The following GNAT2 variants were observed in gnomAD, a reference collection of about 807,000 sequenced individuals.
GNAT2 encodes the protein G protein subunit alpha transducin 2.
GNAT2 carries 32 observed loss-of-function variants against 40.9 expected under a neutral mutation model. That is an observed-to-expected ratio of 0.78 (90% confidence interval 0.59 to 1.05). The LOEUF (loss-of-function observed/expected upper bound fraction) is 1.05. Ranked by LOEUF, GNAT2 falls within the 50% of genes least tolerant of loss-of-function variation. The probability of loss-of-function intolerance (pLI) is 0.00; values close to 1 mark genes in which losing one functional copy is unlikely to be tolerated. For synonymous variants in GNAT2, 141 were observed against 157.2 expected (o/e 0.90, Z 0.77); for missense variants, 355 against 431.5 (o/e 0.82, Z 1.57).
chr1:109,606,392 G>A lies in GNAT2; in HGVS notation c.506C>T (p.Pro169Leu), dbSNP rs1254877756. 6.2e-7 allele frequency: 1 copy of A among 1,610,926 alleles called. No homozygotes were observed. Among genetic ancestry groups the A allele is most frequent in the Admixed American group, 1.7e-5 (1 of 60,014 alleles). The change falls in exon 6 of 9, where the codon CCT becomes CTT. Residue 169 changes from proline (P) to leucine (L), a missense_variant. By Grantham distance (98) the Pro-to-Leu change is moderately conservative. Transcript: ENST00000679935. ...GGATCGGAGCACATCTTGCTCACTA[G>A]GGAGGTACTCAGGGTCTGTAATTCG... ...LERITDPEYL[P>L]SEQDVLRSRV...
At chr1:109,610,332 A>T in intron 3 of GNAT2, 133 bp downstream of exon 3, 3 of 1,181,238 alleles carry the variant, frequency 2.5e-6, no homozygotes, top group Non-Finnish European at 3.8e-6. Context: ...AGGGGTACAG[A>T]TGAGGGGCAT....
In GNAT2 at chr1:109,608,779, G is replaced by A. The variant is rs1403825722; in HGVS notation, c.313C>T (p.Arg105Ter). 4.3e-6 allele frequency: 7 copies of A among 1,613,684 alleles called. No individual in the cohort carries two copies. The highest frequency in any genetic ancestry group is 1.6e-4 in the Middle Eastern group (1 of 6,062). Reference sequence around the variant, plus strand: ...GAGTCAGCCAGGTTGTTGAGCTGTCGCCCGTCATCCTGTAATGCAGAAACC... The same window carrying A: ...GAGTCAGCCAGGTTGTTGAGCTGTCACCCGTCATCCTGTAATGCAGAAACC... ...YAEPSCADDG[R>*]QLNNLADSIE... Residue 105 changes from arginine (R) to a stop codon, truncating the protein, a stop_gained, in exon 5 of 9, where the codon CGA becomes TGA. Transcript: ENST00000679935. LOFTEE classifies it high-confidence loss of function.
At chr1:109,612,568 G>A in intron 2 of GNAT2, 185 bp downstream of exon 2, 1 of 651,866 alleles carries the variant, frequency 1.5e-6, no homozygotes, top group Non-Finnish European at 2.8e-6. Context: ...ATCCCCTTGG[G>A]GTGGCTGTTT....
Position 109,603,962 on chromosome 1 carries a change from G to C in GNAT2, c.863C>G (p.Pro288Arg). Residue 288 changes from proline (P) to arginine (R), a missense_variant, in exon 8 of 9, where the codon CCA becomes CGA. Transcript: ENST00000679935. ...IKKVHLSICF[P>R]EYDGNNSYDD... Reference sequence around the variant, plus strand: ...CCCCTGACACTTACCATCATACTCTGGAAAACAAATGCTGAGATGGACTTT... The same window carrying C: ...CCCCTGACACTTACCATCATACTCTCGAAAACAAATGCTGAGATGGACTTT... 1 of 1,606,904 alleles carries C rather than the reference G, an allele frequency of 6.2e-7. No individual in the cohort carries two copies. Among genetic ancestry groups the C allele is most frequent in the Non-Finnish European group, 8.5e-7 (1 of 1,173,894 alleles).
In GNAT2 at chr1:109,612,771, C is replaced by CA. The variant is rs1649836127; in HGVS notation, c.99dup (p.Val34CysfsTer64). 1 of 1,600,898 alleles carries CA rather than the reference C, an allele frequency of 6.2e-7. No homozygotes were observed. The highest frequency in any genetic ancestry group is 1.3e-5 in the African/African-American group (1 of 74,658). ...CACTCACCCAGCAGTAGCAGCTTGA[C>CA]AGTCTTGGCTTCCTTATCAGCATCC... On this transcript the variant is annotated frameshift_variant, in exon 2 of 9. Transcript: ENST00000679935. LOFTEE classifies it high-confidence loss of function.
Position 109,604,019 on chromosome 1 carries a change from T to A in GNAT2, c.806A>T (p.Asn269Ile), listed in dbSNP as rs1193859398. 2 of 1,610,070 alleles carry A rather than the reference T, an allele frequency of 1.2e-6. No individual in the cohort carries two copies. Among genetic ancestry groups the A allele is most frequent in the African/African-American group, 2.7e-5 (2 of 74,854 alleles). The change falls in exon 8 of 9, where the codon AAC (asparagine) becomes ATC (isoleucine). Residue 269 changes from asparagine (N) to isoleucine (I), a missense_variant. Physicochemically the swap from Asn to Ile is moderately radical, Grantham distance 149. Coordinates refer to ENST00000679935, the MANE Select transcript of GNAT2 (RefSeq NM_001377295.2). ...FAATSIVLFL[N>I]KKDLFEEKIK... The stretch of plus-strand genomic sequence containing the variant: ...TTTTTCCTCAAAGAGGTCCTTCTTG[T>A]TGAGAAAGAGGACAATGGAAGTAGC...
intron 6 of GNAT2, 24 bp downstream of exon 6, chr1:109,606,284 T>C (rs1649591298): frequency 1.2e-6 from 2 of 1,612,758 alleles, no homozygotes; most frequent in African/African-American, 1.3e-5. Flanking sequence ...GTATCCGAGA[T>C]GCCCTAGGGA....
rs1649483395 is a variant in GNAT2, at chr1:109,603,134, G to A, written c.*220C>T. On this transcript the variant is annotated 3_prime_UTR_variant, in exon 9 of 9. Transcript: ENST00000679935. ...GTATTAAGTTGGAAAACCAGTACTGGAACCTGGGGGGTCTTCTAACTACTG... is the reference window on the plus strand; with the variant it reads ...GTATTAAGTTGGAAAACCAGTACTGAAACCTGGGGGGTCTTCTAACTACTG... 2 of 538,340 alleles carry A rather than the reference G, an allele frequency of 3.7e-6. No homozygotes were observed. Among genetic ancestry groups the A allele is most frequent in the Non-Finnish European group, 6.6e-6 (2 of 303,060 alleles). The allele number at this position is 538,340 out of a possible 1,614,324, so 33.3% of individuals were successfully genotyped here.
rs535363597 is a variant in GNAT2, at chr1:109,615,353, C to T, written c.-53-2430G>A. On this transcript the variant is annotated intron_variant, in intron 1 of 8. Coordinates refer to ENST00000679935, the MANE Select transcript of GNAT2 (RefSeq NM_001377295.2). ...TCCACTAAAAATACAAAAATTAGGCCGGGCATGGTGGCTCACGCCTGTAAT... is the reference window on the plus strand; with the variant it reads ...TCCACTAAAAATACAAAAATTAGGCTGGGCATGGTGGCTCACGCCTGTAAT... The T allele has an allele frequency of 4.6e-4, 70 of 152,078 alleles. 1 individual carries two copies. In the South Asian group the frequency reaches 0.013, roughly 28 times the overall value. 9.4% of individuals were successfully genotyped at this position (152,078 alleles called of 1,614,324 possible). A position where few individuals can be genotyped will look rare whatever the true frequency, so the allele number is the denominator to read the frequency against.
intron 1 of GNAT2, chr1:109,614,272 C>T (rs144185867): frequency 6.6e-5 from 10 of 152,292 alleles, no homozygotes; most frequent in African/African-American, 2.2e-4. Context: ...ACCTGTTTTC[C>T]GCTAAACTTA....
Position 109,606,432 on chromosome 1 carries a change from G to C in GNAT2, c.466C>G (p.Leu156Val). ...TCTGTAATTCGTTCTAATTGGTTCA[G>C]GTAGCTAGAGAAAAGTGATTAGCAT... ...YQLNDSASYY[L>V]NQLERITDPE... Residue 156 changes from leucine (L) to valine (V), a missense_variant, in exon 6 of 9, where the codon CTG becomes GTG. Physicochemically the swap from Leu to Val is conservative, Grantham distance 32. Transcript: ENST00000679935. 1 of 1,613,138 alleles carries C rather than the reference G, an allele frequency of 6.2e-7. No homozygotes were observed. Among genetic ancestry groups the C allele is most frequent in the Non-Finnish European group, 8.5e-7 (1 of 1,179,086 alleles).
intron 1 of GNAT2, chr1:109,613,207 T>G: frequency 2.8e-6 from 1 of 358,418 alleles, no homozygotes; most frequent in Non-Finnish European, 5.4e-6. Flanking sequence ...AATGATCTGC[T>G]GGGTTCTGAC....
At chr1:109,608,343 C>T in intron 5 of GNAT2, 1 of 468,586 alleles carries the variant, frequency 2.1e-6, no homozygotes, top group Non-Finnish European at 3.9e-6. Flanking sequence ...GGGCTGAGGG[C>T]TACTAGGCAG....
chr1:109,608,412 G>C (rs1649681367), intron 5 of GNAT2: 1 of 614,352 alleles, frequency 1.6e-6, no homozygotes, highest in South Asian at 1.8e-5. Context: ...CCAGTGTAAA[G>C]CAATAGAAAG....
At position 109,608,365 on chromosome 1, in the gene GNAT2, T is replaced by C. The variant is rs1422566822; in HGVS notation, c.461+266A>G. The C allele has an allele frequency of 4.4e-5, 23 of 523,600 alleles. No homozygotes were observed. The South Asian group carries it at 4.6e-4, about 10-fold the overall frequency. The allele number at this position is 523,600 out of a possible 1,614,324, so 32.4% of individuals were successfully genotyped here. A position where few individuals can be genotyped will look rare whatever the true frequency, so the allele number is the denominator to read the frequency against. Reference sequence around the variant, plus strand: ...GGGCTACTAGGCAGAACACGTCTTTTGAATTTTGCATCTTCAGCCTTGTAG... The same window carrying C: ...GGGCTACTAGGCAGAACACGTCTTTCGAATTTTGCATCTTCAGCCTTGTAG... On this transcript the variant is annotated intron_variant, in intron 5 of 8. Transcript: ENST00000679935.
intron 5 of GNAT2, 31 bp downstream of exon 5, chr1:109,608,600 A>G (rs1396072704): frequency 6.2e-7 from 1 of 1,605,454 alleles, no homozygotes; most frequent in East Asian, 2.2e-5. Context: ...TTGCTTAAGC[A>G]TCAACCCACC....
At position 109,610,030 on chromosome 1, in the gene GNAT2, A is replaced by G; in HGVS notation, c.303+10T>C. On this transcript the variant is annotated intron_variant, in intron 4 of 8. Coordinates refer to ENST00000679935, the MANE Select transcript of GNAT2 (RefSeq NM_001377295.2). ...CTTCCACCCTTAACCACATAATAGT[A>G]ATCACATACCGCACAGCTTGGTTCA... 6.2e-7 allele frequency: 1 copy of G among 1,613,646 alleles called. No individual in the cohort carries two copies. The highest frequency in any genetic ancestry group is 1.1e-5 in the South Asian group (1 of 91,070).
chr1:109,604,347 C>G (rs1649529184), intron 7 of GNAT2: 1 of 528,250 alleles, frequency 1.9e-6, no homozygotes, highest in South Asian at 2.0e-5. Flanking sequence ...GTTTTCCTAT[C>G]TTATAGGGTT....
chr1:109,606,421 T>C lies in GNAT2; in HGVS notation c.477A>G (p.Leu159=), dbSNP rs1376543395. 1.2e-6 allele frequency: 2 copies of C among 1,613,364 alleles called. No individual in the cohort carries two copies. The highest frequency in any genetic ancestry group is 2.2e-5 in the South Asian group (2 of 91,066). The part of the protein sequence containing the change: ...NDSASYYLNQ[L]ERITDPEYLP... Reference sequence around the variant, plus strand: ...GGTACTCAGGGTCTGTAATTCGTTCTAATTGGTTCAGGTAGCTAGAGAAAA... The same window carrying C: ...GGTACTCAGGGTCTGTAATTCGTTCCAATTGGTTCAGGTAGCTAGAGAAAA... Residue 159 remains leucine (L), a synonymous_variant, in exon 6 of 9, where the codon TTA becomes TTG. Transcript: ENST00000679935.
Sources: gnomAD v4.1 joint callset for allele counts on GRCh38, gnomAD v4.1.1 for gene constraint, MANE v1.5 for transcripts, NCBI Gene and HGNC (gene_info 2026-07-23, HGNC 2026-07-21) for gene names.